ATPSCKMT: variants seen among roughly 807,000 people sequenced by gnomAD.
The protein encoded by ATPSCKMT is ATP synthase subunit C lysine N-methyltransferase.
Under a neutral mutation model 24.3 loss-of-function variants are expected in ATPSCKMT, and 24 were observed. The ratio of observed to expected loss-of-function variants is 0.99; its 90% CI spans 0.71 to 1.39. ATPSCKMT has a LOEUF of 1.39. Ranked by LOEUF, ATPSCKMT falls within the 40% of genes most tolerant of loss-of-function variation. The probability of loss-of-function intolerance (pLI) is 0.00; values close to 1 mark genes in which losing one functional copy is unlikely to be tolerated. For missense variants in ATPSCKMT, 311 were observed against 298.4 expected, an observed-to-expected ratio of 1.04 and a Z score of -0.31; for synonymous variants, 95 against 110.5, an observed-to-expected ratio of 0.86 and a Z score of 0.88.
chr5:10,236,443 T>C lies in ATPSCKMT; in HGVS notation c.444+35A>G, dbSNP rs748809259. On this transcript the variant is annotated intron_variant, in intron 3 of 4. Transcript: ENST00000511437. The stretch of plus-strand genomic sequence containing the variant: ...AATTTTGAATAATAAAATTTTCCCT[T>C]GGATTTCTCTAGGGCCATTCTCTGC... 7 of 1,580,312 alleles carry C rather than the reference T, an allele frequency of 4.4e-6. No homozygotes were observed. The East Asian group carries it at 1.6e-4, about 36-fold the overall frequency.
In ATPSCKMT at chr5:10,235,310, C is replaced by T. The variant is rs755136589; in HGVS notation, c.445-49G>A. On this transcript the variant is annotated intron_variant, in intron 3 of 4. Transcript: ENST00000511437. ...AGTAGATTAAGTGCAAAAAGCCAAA[C>T]GTGAAGCTTAACTTGTTTTACAGAA... The T allele has an allele frequency of 1.7e-5, 26 of 1,522,708 alleles. No homozygotes were observed. The East Asian group carries it at 5.1e-4, about 30-fold the overall frequency. The allele number at this position is 1,522,708 out of a possible 1,614,324, so 94.3% of individuals were successfully genotyped here. A position where few individuals can be genotyped will look rare whatever the true frequency, so the allele number is the denominator to read the frequency against.
intron 1 of ATPSCKMT, among the ~76,000 whole-genome samples, chr5:10,241,474 C>T (rs1453357084): frequency 2.6e-5 from 4 of 152,200 alleles, no homozygotes; most frequent in Non-Finnish European, 5.9e-5. Context: ...GCCAGCCAAT[C>T]GCCAGCATCC....
At chr5:10,243,642 T>C (rs574170340) in intron 1 of ATPSCKMT, among the ~76,000 whole-genome samples, 1 of 152,370 alleles carries the variant, frequency 6.6e-6, no homozygotes, top group African/African-American at 2.4e-5. Flanking sequence ...CTAATGAACC[T>C]ACCACTGCTA....
chr5:10,239,396 A>C (rs759568202), intron 1 of ATPSCKMT, 40 bp from the exon 2 acceptor site: 49 of 1,531,926 alleles, frequency 3.2e-5, no homozygotes, highest in Non-Finnish European at 4.3e-5. Context: ...TGTAGCACCA[A>C]ATCTGAAATC....
At chr5:10,238,566 G>A (rs1490357914) in intron 2 of ATPSCKMT, among the ~76,000 whole-genome samples, 2 of 152,146 alleles carry the variant, frequency 1.3e-5, no homozygotes, top group Admixed American at 1.3e-4. Context: ...TTATTTATAG[G>A]TGCCCAACTG....
At chr5:10,236,450 C>T (rs1273296385) in intron 3 of ATPSCKMT, 28 bp downstream of exon 3, 6 of 1,607,804 alleles carry the variant, frequency 3.7e-6, no homozygotes, top group Middle Eastern at 3.3e-4. Context: ...CCTTGGATTT[C>T]TCTAGGGCCA....
rs1743922041 is a variant in ATPSCKMT at position 10,227,287 on chromosome 5, T to C, written c.*154A>G. 2.6e-6 allele frequency: 2 copies of C among 777,852 alleles called. No homozygotes were observed. The highest frequency in any genetic ancestry group is 4.0e-6 in the Non-Finnish European group (2 of 501,664). 48.2% of individuals were successfully genotyped at this position (777,852 alleles called of 1,614,324 possible). On this transcript the variant is annotated 3_prime_UTR_variant, in exon 5 of 5. Coordinates refer to ENST00000511437, the MANE Select transcript of ATPSCKMT (RefSeq NM_199133.4). ...AAGCAGATTTTAAATCTACCTGTTT[T>C]TCTTCGTTTGTTTTCTCCAACAGTT...
chr5:10,230,243 C>T (rs944090817), intron 4 of ATPSCKMT, among the ~76,000 whole-genome samples: 1 of 149,178 alleles, frequency 6.7e-6, no homozygotes, highest in Admixed American at 6.8e-5. Context: ...GGAGGAATTT[C>T]TATTCTTTTA....
intron 1 of ATPSCKMT, among the ~76,000 whole-genome samples, chr5:10,243,670 TGCACTCTCCTCACTTCTCTCA>T (rs1744754069): frequency 6.6e-6 from 1 of 152,216 alleles, no homozygotes; most frequent in Non-Finnish European, 1.5e-5. Context: ...ACTTTTCTTC[TGCACTCTCCTCACTTCTCTCA>T]GCCTTCAGAG....
At chr5:10,249,804 C>T (rs893465583) in intron 1 of ATPSCKMT, 54 bp downstream of exon 1, 11 of 1,535,768 alleles carry the variant, frequency 7.2e-6, no homozygotes, top group Admixed American at 2.2e-5. Context: ...GCCCCCGGCC[C>T]GCCCGCACCC....
Position 10,246,354 on chromosome 5 carries a change from G to C in ATPSCKMT, c.16+3504C>G, listed in dbSNP as rs573062329. On this transcript the variant is annotated intron_variant, in intron 1 of 4. Coordinates refer to ENST00000511437, the MANE Select transcript of ATPSCKMT (RefSeq NM_199133.4). ...GAGGCTGGGGGCAAGAGAATCACCT[G>C]AACCGGGGAGGCAGAGGTTACAGTG... 1.1e-4 allele frequency among the ~76,000 whole-genome samples: 17 copies of C among 151,992 alleles called. No individual in the cohort carries two copies. In the South Asian group the frequency reaches 3.5e-3, roughly 32 times the overall value.
intron 3 of ATPSCKMT, chr5:10,236,265 AT>A (rs1561028943): frequency 1.4e-5 from 6 of 416,644 alleles, no homozygotes; most frequent in Non-Finnish European, 2.0e-5. Flanking sequence ...AATTCTTGGA[AT>A]TCACAAGACC....
At position 10,239,062 on chromosome 5, in the gene ATPSCKMT, C is replaced by T. The variant is rs1744501266; in HGVS notation, c.306+5G>A. The T allele has an allele frequency of 1.2e-6, 2 of 1,610,088 alleles. No individual in the cohort carries two copies. The highest frequency in any genetic ancestry group is 1.7e-6 in the Non-Finnish European group (2 of 1,177,426). On this transcript the variant is annotated splice_donor_5th_base_variant and intron_variant, in intron 2 of 4. Coordinates refer to ENST00000511437, the MANE Select transcript of ATPSCKMT (RefSeq NM_199133.4). Reference sequence around the variant, plus strand: ...CAAACCTTAAAATGTTTTAGCAGAACTCACAATGCGTCCGTCCCCACTACC... The same window carrying T: ...CAAACCTTAAAATGTTTTAGCAGAATTCACAATGCGTCCGTCCCCACTACC...
intron 4 of ATPSCKMT, among the ~76,000 whole-genome samples, chr5:10,234,897 G>GCC (rs1744305994): frequency 1.3e-5 from 2 of 152,246 alleles, no homozygotes; most frequent in Non-Finnish European, 2.9e-5. Flanking sequence ...CGAAGTGGAA[G>GCC]TGAGCGGCTG....
chr5:10,227,637 A>G lies in ATPSCKMT; in HGVS notation c.506T>C (p.Leu169Ser). The G allele has an allele frequency of 6.2e-7, 1 of 1,614,156 alleles. No homozygotes were observed. Among genetic ancestry groups the G allele is most frequent in the Non-Finnish European group, 8.5e-7 (1 of 1,180,018 alleles). The change falls in exon 5 of 5, where the codon TTG becomes TCG. Residue 169 changes from leucine (L) to serine (S), a missense_variant. Transcript: ENST00000511437. ...IFGVPQMMLQ[L>S]EKKLERELED... ...AAGTTCACGTTCAAGTTTCTTCTCC[A>G]ACTGCAGCATCTGTGGAGAGTAACA...
intron 1 of ATPSCKMT, among the ~76,000 whole-genome samples, chr5:10,247,765 G>A (rs1744999043): frequency 6.6e-6 from 1 of 152,194 alleles, no homozygotes; most frequent in Non-Finnish European, 1.5e-5. Flanking sequence ...TTTCTTTCAG[G>A]TGTTCTTTGG....
rs57613113 is a variant in ATPSCKMT at position 10,246,457 on chromosome 5, GAAA to G, written c.16+3398_16+3400del. On this transcript the variant is annotated intron_variant, in intron 1 of 4. Transcript: ENST00000511437. ...GACCCTGTCTCTCAAAAAAAAGAAA[GAAA>G]AAAAAAAAAAAAGAATCCCCTATTC... Among the ~76,000 whole-genome samples, 632 of 148,716 alleles carry G rather than the reference GAAA, an allele frequency of 4.2e-3. 8 individuals are homozygous for G. Among genetic ancestry groups the G allele is most frequent in the Middle Eastern group, 0.021 (6 of 292 alleles).
At chr5:10,246,826 C>A (rs1280230388) in intron 1 of ATPSCKMT, among the ~76,000 whole-genome samples, 1 of 152,210 alleles carries the variant, frequency 6.6e-6, no homozygotes, top group Non-Finnish European at 1.5e-5. Context: ...GAGGCAGACA[C>A]AGGGCTGGTT....
At chr5:10,233,845 A>G (rs921050481) in intron 4 of ATPSCKMT, among the ~76,000 whole-genome samples, 1 of 152,228 alleles carries the variant, frequency 6.6e-6, no homozygotes, top group African/African-American at 2.4e-5. Flanking sequence ...AAGCCCAAAC[A>G]TCACAGGTAA....
Sources: gnomAD v4.1 joint callset for allele counts (sites outside exome capture counted in the v4.1 genomes callset) on GRCh38, gnomAD v4.1.1 for gene constraint, MANE v1.5 for transcripts, NCBI Gene and HGNC (gene_info 2026-07-23, HGNC 2026-07-21) for gene names.